FOXN2: variants seen among roughly 807,000 people sequenced by gnomAD.
FOXN2 encodes the protein forkhead box N2, also known as forkhead box protein N2.
In FOXN2, 19 loss-of-function variants were observed where a neutral mutation model predicts 41.2. The observed-to-expected ratio is 0.46, with a 90% CI of 0.32 to 0.68. The LOEUF (loss-of-function observed/expected upper bound fraction) is 0.68, where lower values mean the gene tolerates loss of function less well. Among genes scored for constraint, FOXN2 ranks in the 30% least tolerant of loss-of-function variants. FOXN2 has a pLI of 0.03. For missense variants in FOXN2, 587 were observed against 509.4 expected (o/e 1.15, Z -1.47); for synonymous variants, 195 against 176.8 (o/e 1.10, Z -0.82).
chr2:48,321,475 G>T (rs1007102019), intron 1 of FOXN2, among the ~76,000 whole-genome samples: 16 of 152,162 alleles, frequency 1.1e-4, no homozygotes, highest in Admixed American at 7.9e-4. Flanking sequence ...GGCAGAGCTT[G>T]CAGTGAGCCG....
rs1232137022 is a variant in FOXN2 at position 48,373,420 on chromosome 2, C to T, written c.772+60C>T. On this transcript the variant is annotated intron_variant, in intron 6 of 6. Transcript: ENST00000340553. Reference sequence around the variant, plus strand: ...AGTGCCTTTTCAAATTTAACCTAGACTATAAAATAACTATTACAGACAAAA... The same window carrying T: ...AGTGCCTTTTCAAATTTAACCTAGATTATAAAATAACTATTACAGACAAAA... The T allele has an allele frequency of 1.4e-5, 14 of 966,510 alleles. No homozygotes were observed. The East Asian group carries it at 2.3e-4, about 16-fold the overall frequency. The allele number at this position is 966,510 out of a possible 1,614,324, so 59.9% of individuals were successfully genotyped here.
intron 2 of FOXN2, among the ~76,000 whole-genome samples, 156 bp downstream of exon 2, chr2:48,328,858 A>G (rs1669849004): frequency 6.6e-6 from 1 of 152,104 alleles, no homozygotes; most frequent in South Asian, 2.1e-4. Flanking sequence ...TTACTCTAAG[A>G]GCTGTAGTGG....
At chr2:48,345,572 ACATGTATCATAATAT>A (rs1402638230) in intron 2 of FOXN2, among the ~76,000 whole-genome samples, 1 of 152,208 alleles carries the variant, frequency 6.6e-6, no homozygotes, top group Non-Finnish European at 1.5e-5. Context: ...CACAATATAT[ACATGTATCATAATAT>A]CACATTGTAC....
chr2:48,322,924 A>G (rs1249636758), intron 1 of FOXN2, among the ~76,000 whole-genome samples: 2 of 150,042 alleles, frequency 1.3e-5, no homozygotes, highest in South Asian at 4.2e-4. Flanking sequence ...TTTTAGTTGT[A>G]ACTTTGTGTG....
chr2:48,372,791 T>A (rs1442127778), intron 5 of FOXN2, among the ~76,000 whole-genome samples: 1 of 152,154 alleles, frequency 6.6e-6, no homozygotes, highest in Non-Finnish European at 1.5e-5. Context: ...ATTATTCACT[T>A]AGCATTTATA....
At chr2:48,370,393 C>T (rs1672811522) in intron 5 of FOXN2, among the ~76,000 whole-genome samples, 1 of 152,144 alleles carries the variant, frequency 6.6e-6, no homozygotes, top group Non-Finnish European at 1.5e-5. Flanking sequence ...GATTCAAATC[C>T]TTTGTACTTG....
At chr2:48,315,030 CG>C (rs960873864) in intron 1 of FOXN2, among the ~76,000 whole-genome samples, 2 of 151,960 alleles carry the variant, frequency 1.3e-5, no homozygotes, top group Admixed American at 6.6e-5. Flanking sequence ...GTGTGGGCTC[CG>C]GGGGATGTCG....
chr2:48,368,507 C>T (rs1672675769), intron 5 of FOXN2, among the ~76,000 whole-genome samples: 1 of 152,010 alleles, frequency 6.6e-6, no homozygotes, highest in Non-Finnish European at 1.5e-5. Context: ...TCTAGGGCAA[C>T]ATGGTGAAAC....
chr2:48,349,955 CAGA>C (rs1268685592), intron 3 of FOXN2, among the ~76,000 whole-genome samples: 8 of 152,196 alleles, frequency 5.3e-5, no homozygotes, highest in East Asian at 1.9e-4. Context: ...CTGACATTCC[CAGA>C]AGAAGAAGAG....
At chr2:48,359,343 G>T (rs1398003123) in intron 4 of FOXN2, among the ~76,000 whole-genome samples, 196 bp downstream of exon 4, 4 of 152,138 alleles carry the variant, frequency 2.6e-5, no homozygotes, top group Non-Finnish European at 2.9e-5. Flanking sequence ...ACCTAGGCTG[G>T]AGTGCAGTAG....
At chr2:48,323,136 T>G (rs1669443767) in intron 1 of FOXN2, among the ~76,000 whole-genome samples, 1 of 152,098 alleles carries the variant, frequency 6.6e-6, no homozygotes, top group African/African-American at 2.4e-5. Context: ...AGGTTTTTTA[T>G]TGGTGTATCA....
chr2:48,321,776 T>A (rs747207867), intron 1 of FOXN2, among the ~76,000 whole-genome samples: 2 of 152,166 alleles, frequency 1.3e-5, no homozygotes, highest in Non-Finnish European at 2.9e-5. Context: ...ATGGTAAGGG[T>A]AAAAGTATTA....
intron 1 of FOXN2, among the ~76,000 whole-genome samples, chr2:48,315,723 CT>C (rs1668867347): frequency 6.6e-6 from 1 of 152,192 alleles, no homozygotes; most frequent in Non-Finnish European, 1.5e-5. Context: ...ACTCCACCCC[CT>C]TTTGCACCTT....
chr2:48,346,052 C>T, intron 2 of FOXN2, 149 bp from the exon 3 acceptor site: 1 of 647,286 alleles, frequency 1.5e-6, no homozygotes, highest in African/African-American at 1.8e-5. Flanking sequence ...CCATTAGTAT[C>T]TTCATTATAC....
intron 2 of FOXN2, among the ~76,000 whole-genome samples, chr2:48,335,600 A>G (rs1250969111): frequency 6.6e-6 from 1 of 152,244 alleles, no homozygotes; most frequent in Admixed American, 6.5e-5. Context: ...GTGACAGACT[A>G]TTTTTTAAGC....
At chr2:48,317,068 G>A (rs1279955336) in intron 1 of FOXN2, among the ~76,000 whole-genome samples, 1 of 152,054 alleles carries the variant, frequency 6.6e-6, no homozygotes, top group African/African-American at 2.4e-5. Flanking sequence ...AAGTAAATGA[G>A]GTCATAAAAT....
intron 5 of FOXN2, among the ~76,000 whole-genome samples, chr2:48,363,493 C>G (rs974697237): frequency 6.6e-6 from 1 of 152,160 alleles, no homozygotes; most frequent in Non-Finnish European, 1.5e-5. Flanking sequence ...TTTATAAAGT[C>G]TACAGTAGTG....
intron 2 of FOXN2, among the ~76,000 whole-genome samples, chr2:48,345,399 A>G (rs932220489): frequency 1.3e-5 from 2 of 152,108 alleles, no homozygotes; most frequent in Admixed American, 1.3e-4. Flanking sequence ...TTCTGGTTAC[A>G]CAAGAGGAGT....
At chr2:48,362,584 G>T in intron 4 of FOXN2, 59 bp from the exon 5 acceptor site, 2 of 1,478,976 alleles carry the variant, frequency 1.4e-6, no homozygotes, top group South Asian at 2.3e-5. Context: ...CAAAAATTAG[G>T]GGGAAAAAGT....
Sources: gnomAD v4.1 joint callset for allele counts (sites outside exome capture counted in the v4.1 genomes callset) on GRCh38, gnomAD v4.1.1 for gene constraint, MANE v1.5 for transcripts, NCBI Gene and HGNC (gene_info 2026-07-23, HGNC 2026-07-21) for gene names.